The following BLOC1S5 variants were observed in gnomAD, a reference collection of about 807,000 sequenced individuals.
BLOC1S5 encodes biogenesis of lysosome-related organelles complex 1 subunit 5.
A neutral mutation model predicts 24.3 loss-of-function variants in BLOC1S5; 27 were observed. The observed-to-expected ratio is 1.11, with a 90% CI of 0.82 to 1.53. The LOEUF is 1.53. Ranked by LOEUF, BLOC1S5 falls within the 40% of genes most tolerant of loss-of-function variation. The pLI is 0.00. For missense variants in BLOC1S5, 239 were observed against 229.4 expected (o/e 1.04, Z -0.27); for synonymous variants, 84 against 74.5 (o/e 1.13, Z -0.66).
chr6:8,055,520 G>T (rs1471997217), intron 2 of BLOC1S5, among the ~76,000 whole-genome samples: 5 of 152,132 alleles, frequency 3.3e-5, no homozygotes, highest in Admixed American at 3.3e-4. Flanking sequence ...ATATTATTCT[G>T]TTCTTTATCC....
intron 4 of BLOC1S5, among the ~76,000 whole-genome samples, chr6:8,019,791 CT>C (rs2113512782): frequency 6.6e-6 from 1 of 152,298 alleles, no homozygotes; most frequent in East Asian, 1.9e-4. Context: ...ATGAAAAGCC[CT>C]TCTGATTCCG....
At chr6:8,023,857 T>C (rs538517223) in intron 4 of BLOC1S5, among the ~76,000 whole-genome samples, 3 of 152,194 alleles carry the variant, frequency 2.0e-5, no homozygotes, top group African/African-American at 4.8e-5. Flanking sequence ...TATGTGCACA[T>C]GTGTATGTGT....
chr6:8,041,655 C>CTTTTTTTTTTTT (rs1554139177), intron 2 of BLOC1S5, among the ~76,000 whole-genome samples: 11,909 of 111,138 alleles, frequency 0.11, 1,029 homozygotes, highest in Admixed American at 0.12. Context: ...TTCTTTCTTT[C>CTTTTTTTTTTTT]TTTTTTTTTG....
At chr6:8,017,370 T>TC (rs1438049645) in intron 4 of BLOC1S5, among the ~76,000 whole-genome samples, 3 of 129,180 alleles carry the variant, frequency 2.3e-5, no homozygotes, top group Admixed American at 8.5e-5. Context: ...AGAGCGAGAC[T>TC]CCGTCTCAAA....
intron 4 of BLOC1S5, among the ~76,000 whole-genome samples, chr6:8,016,204 T>C (rs532497869): frequency 1.2e-4 from 19 of 152,116 alleles, no homozygotes; most frequent in African/African-American, 4.3e-4. Flanking sequence ...CACATGGCTG[T>C]AGTTCCAGCT....
chr6:8,019,506 T>A (rs1762851049), intron 4 of BLOC1S5, among the ~76,000 whole-genome samples: 1 of 151,088 alleles, frequency 6.6e-6, no homozygotes, highest in Non-Finnish European at 1.5e-5. Context: ...TGACCTCAGG[T>A]GATCCGCCCA....
intron 3 of BLOC1S5, among the ~76,000 whole-genome samples, chr6:8,031,254 T>C (rs541360373): frequency 1.0e-3 from 153 of 152,296 alleles, no homozygotes; most frequent in African/African-American, 3.2e-3. Context: ...AAAAAGCTCC[T>C]ATAACTGGTA....
At chr6:8,015,917 C>T in intron 4 of BLOC1S5, 89 bp from the exon 5 acceptor site, 1 of 1,234,018 alleles carries the variant, frequency 8.1e-7, no homozygotes, top group Non-Finnish European at 1.1e-6. Context: ...CCGTAACAAT[C>T]AGCTGGTAAG....
chr6:8,029,302 G>C (rs1330991238), intron 3 of BLOC1S5, among the ~76,000 whole-genome samples: 1 of 152,134 alleles, frequency 6.6e-6, no homozygotes, highest in Non-Finnish European at 1.5e-5. Flanking sequence ...AAAACACTCT[G>C]AGGAGACAGG....
rs551595293 is a variant in BLOC1S5 at position 8,058,027 on chromosome 6, C to T, written c.195+4507G>A. ...TCTTCTCCCTAGATGGTAAACTTCA[C>T]GGAGGTAGGAATTGTTTCCTATTTA... On this transcript the variant is annotated intron_variant, in intron 2 of 4. Coordinates refer to ENST00000397457, the MANE Select transcript of BLOC1S5 (RefSeq NM_201280.3). Among the ~76,000 whole-genome samples, 10 of 152,220 alleles carry T rather than the reference C, an allele frequency of 6.6e-5. No individual in the cohort carries two copies. In the South Asian group the frequency reaches 1.9e-3, roughly 28 times the overall value.
chr6:8,026,129 T>TA (rs1247462020), intron 4 of BLOC1S5, among the ~76,000 whole-genome samples: 2 of 152,140 alleles, frequency 1.3e-5, no homozygotes, highest in Non-Finnish European at 2.9e-5. Context: ...AGGAGACAAA[T>TA]ACCACTTTCA....
Position 8,047,160 on chromosome 6 carries a change from T to TCTCACA in BLOC1S5, c.196-5893_196-5892insTGTGAG, listed in dbSNP as rs1475934039. Among the ~76,000 whole-genome samples the TCTCACA allele has an allele frequency of 8.3e-3, 1,048 of 126,868 alleles. 7 individuals carry two copies. The highest frequency in any genetic ancestry group is 0.03 in the African/African-American group (965 of 31,682). The allele number at this position is 126,868 out of a possible 152,430, so 83.2% of individuals were successfully genotyped here. ...AAGACCACCTCTCTCTCTCTCTCTC[T>TCTCACA]CACACACACACACACACACACACAC... On this transcript the variant is annotated intron_variant, in intron 2 of 4. Coordinates refer to ENST00000397457, the MANE Select transcript of BLOC1S5 (RefSeq NM_201280.3).
At chr6:8,028,591 T>G (rs1393995847) in intron 3 of BLOC1S5, among the ~76,000 whole-genome samples, 1 of 152,204 alleles carries the variant, frequency 6.6e-6, no homozygotes, top group African/African-American at 2.4e-5. Context: ...TGCCACTTAC[T>G]TTGTCATCTG....
At chr6:8,018,677 A>C (rs1762820014) in intron 4 of BLOC1S5, among the ~76,000 whole-genome samples, 1 of 152,206 alleles carries the variant, frequency 6.6e-6, no homozygotes, top group Non-Finnish European at 1.5e-5. Context: ...GCATCCATAA[A>C]TAATATTTAT....
intron 2 of BLOC1S5, among the ~76,000 whole-genome samples, chr6:8,052,518 G>T (rs1764150489): frequency 6.6e-6 from 1 of 152,054 alleles, no homozygotes; most frequent in Non-Finnish European, 1.5e-5. Context: ...AACCCTCATG[G>T]GTGACTTTGA....
rs58841716 is a variant in BLOC1S5, at chr6:8,022,592, C to CTTT, written c.384+3772_384+3774dup. Among the ~76,000 whole-genome samples, 3 of 92,152 alleles carry CTTT rather than the reference C, an allele frequency of 3.3e-5. No individual in the cohort carries two copies. The Admixed American group carries it at 3.7e-4, about 11-fold the overall frequency. The allele number at this position is 92,152 out of a possible 152,430, so 60.5% of individuals were successfully genotyped here. On this transcript the variant is annotated intron_variant, in intron 4 of 4. Coordinates refer to ENST00000397457, the MANE Select transcript of BLOC1S5 (RefSeq NM_201280.3). ...TATTTTTTTTTTCTTTTTTTTTTTT[C>CTTT]TTTTTTTTTTGAGACGGAGTCTCGC...
intron 2 of BLOC1S5, among the ~76,000 whole-genome samples, chr6:8,059,489 C>G (rs1199675564): frequency 6.6e-6 from 1 of 152,124 alleles, no homozygotes; most frequent in East Asian, 1.9e-4. Context: ...TCAAATGATA[C>G]AGAAAAGATG....
intron 4 of BLOC1S5, among the ~76,000 whole-genome samples, chr6:8,023,595 A>G (rs116335932): frequency 0.039 from 5,958 of 152,068 alleles, 371 homozygotes; most frequent in African/African-American, 0.13. Flanking sequence ...ATCTCAAAAA[A>G]AAAAAAGAAT....
At chr6:8,051,572 A>G (rs1764106270) in intron 2 of BLOC1S5, among the ~76,000 whole-genome samples, 1 of 152,266 alleles carries the variant, frequency 6.6e-6, no homozygotes. Flanking sequence ...ACTGCCTGCT[A>G]TTAGCAGAAA....
Sources: gnomAD v4.1 joint callset for allele counts (sites outside exome capture counted in the v4.1 genomes callset) on GRCh38, gnomAD v4.1.1 for gene constraint, MANE v1.5 for transcripts, NCBI Gene and HGNC (gene_info 2026-07-23, HGNC 2026-07-21) for gene names.